AFDN: variants seen among roughly 807,000 people sequenced by gnomAD.
AFDN encodes afadin.
In AFDN, 68 loss-of-function variants were observed where a neutral mutation model predicts 216.6. That is an observed-to-expected ratio of 0.31 (90% CI 0.26 to 0.38). AFDN has a LOEUF of 0.38. Ranked by LOEUF, AFDN falls within the 10% of genes least tolerant of loss-of-function variation. The pLI is 1.00. For synonymous variants in AFDN, 868 were observed against 853.7 expected, an observed-to-expected ratio of 1.02 and a Z score of -0.29; for missense variants, 2,136 against 2,342.0, an observed-to-expected ratio of 0.91 and a Z score of 1.82.
intron 23 of AFDN, among the ~76,000 whole-genome samples, chr6:167,934,809 C>T (rs956772694): frequency 4.6e-5 from 7 of 152,158 alleles, no homozygotes; most frequent in Non-Finnish European, 8.8e-5. Flanking sequence ...GCCTAGGCTC[C>T]GCCTGACCGA....
At chr6:167,945,504 A>G (rs767953730) in intron 26 of AFDN, among the ~76,000 whole-genome samples, 14 of 152,268 alleles carry the variant, frequency 9.2e-5, no homozygotes, top group Admixed American at 1.3e-4. Flanking sequence ...TACATTATCA[A>G]GTATTATATA....
chr6:167,866,163 G>A (rs1583210199), intron 2 of AFDN, among the ~76,000 whole-genome samples: 2 of 32,514 alleles, frequency 6.2e-5, no homozygotes, highest in East Asian at 5.3e-4. Flanking sequence ...GAATACTGTC[G>A]AGTGTGAAGT....
chr6:167,898,053 C>T (rs1426417304), intron 10 of AFDN, 152 bp from the exon 11 acceptor site: 6 of 810,966 alleles, frequency 7.4e-6, no homozygotes, highest in Middle Eastern at 3.7e-4. Context: ...TATTTTTATA[C>T]GATTGAGGGA....
intron 1 of AFDN, among the ~76,000 whole-genome samples, chr6:167,828,388 G>A (rs990429414): frequency 6.6e-5 from 10 of 152,174 alleles, no homozygotes; most frequent in African/African-American, 2.4e-4. Context: ...TCATGGGAAG[G>A]ACTCTATTTC....
Position 167,827,037 on chromosome 6 carries a change from G to A in AFDN, c.-96G>A, listed in dbSNP as rs963304773. 6.7e-6 allele frequency: 3 copies of A among 447,440 alleles called. No individual in the cohort carries two copies. The highest frequency in any genetic ancestry group is 6.5e-5 in the African/African-American group (3 of 46,370). The allele number at this position is 447,440 out of a possible 1,614,324, so 27.7% of individuals were successfully genotyped here. A position where few individuals can be genotyped will look rare whatever the true frequency, so the allele number is the denominator to read the frequency against. On this transcript the variant is annotated 5_prime_UTR_variant, in exon 1 of 34. Transcript: ENST00000683244. ...GCCGCGGAGGCGGAGGCGGCCGGCG[G>A]GGGGTGGCGAGGGGCGCCGGGCCCC...
intron 5 of AFDN, among the ~76,000 whole-genome samples, chr6:167,877,568 TA>T (rs1434997129): frequency 1.3e-5 from 2 of 152,184 alleles, no homozygotes; most frequent in Non-Finnish European, 2.9e-5. Context: ...AGGAAACTCT[TA>T]ACTAAATATT....
At chr6:167,895,007 A>G (rs572984595) in intron 9 of AFDN, among the ~76,000 whole-genome samples, 7 of 152,256 alleles carry the variant, frequency 4.6e-5, no homozygotes, top group South Asian at 2.1e-4. Context: ...CTCTGTGACT[A>G]TATTGCATTC....
chr6:167,868,566 G>A (rs1784445067), intron 2 of AFDN, among the ~76,000 whole-genome samples: 1 of 152,110 alleles, frequency 6.6e-6, no homozygotes, highest in Non-Finnish European at 1.5e-5. Flanking sequence ...AGCACTTTGA[G>A]TTTAGGACTT....
intron 13 of AFDN, among the ~76,000 whole-genome samples, chr6:167,910,103 A>T (rs1238609735): frequency 1.3e-5 from 2 of 152,246 alleles, no homozygotes; most frequent in African/African-American, 4.8e-5. Flanking sequence ...ATAAATCCAC[A>T]AAGATAAGGA....
intron 1 of AFDN, among the ~76,000 whole-genome samples, chr6:167,851,188 C>CT (rs769943303): frequency 6.6e-6 from 1 of 152,122 alleles, no homozygotes; most frequent in Non-Finnish European, 1.5e-5. Flanking sequence ...AATATATACT[C>CT]TGTTATTTTT....
intron 30 of AFDN, among the ~76,000 whole-genome samples, chr6:167,953,409 C>T (rs1796200552): frequency 6.6e-6 from 1 of 152,072 alleles, no homozygotes; most frequent in Non-Finnish European, 1.5e-5. Flanking sequence ...ACACATACTT[C>T]TTAATATATA....
intron 32 of AFDN, chr6:167,968,513 A>G (rs1276040545): frequency 1.3e-5 from 2 of 152,646 alleles, no homozygotes; most frequent in Admixed American, 1.3e-4. Flanking sequence ...TTAATCCAAT[A>G]TTCATTGCTG....
rs769882839 is a variant in AFDN, at chr6:167,864,725, T to A, written c.280T>A (p.Tyr94Asn). The A allele has an allele frequency of 6.2e-7, 1 of 1,614,172 alleles. No individual in the cohort carries two copies. The highest frequency in any genetic ancestry group is 1.7e-5 in the Admixed American group (1 of 60,022). The change falls in exon 2 of 34, where the codon TAT (tyrosine) becomes AAT (asparagine). Residue 94 changes from tyrosine to asparagine, a missense_variant. This residue lies in a region of AFDN where 817 missense variants were observed against 965.7 expected (regional missense o/e 0.85). Coordinates refer to ENST00000683244, the MANE Select transcript of AFDN (RefSeq NM_001386888.1). The part of the protein sequence containing the change: ...RMLSSPKYSL[Y>N]EVHVSGERRL... ...GCTGTCCTCTCCCAAGTATTCACTCTATGAAGTGCATGTCAGCGGAGGTCA... is the reference window on the plus strand; with the variant it reads ...GCTGTCCTCTCCCAAGTATTCACTCAATGAAGTGCATGTCAGCGGAGGTCA...
At chr6:167,873,746 T>A (rs1230098959) in intron 4 of AFDN, among the ~76,000 whole-genome samples, 1 of 152,230 alleles carries the variant, frequency 6.6e-6, no homozygotes, top group Non-Finnish European at 1.5e-5. Flanking sequence ...ATTGAATTTG[T>A]TATTAATAAG....
At chr6:167,852,068 C>A (rs1262973386) in intron 1 of AFDN, among the ~76,000 whole-genome samples, 1 of 152,078 alleles carries the variant, frequency 6.6e-6, no homozygotes, top group Non-Finnish European at 1.5e-5. Context: ...AAAGCAGATC[C>A]TAAAACCCGT....
chr6:167,907,498 T>A (rs1039559383), intron 13 of AFDN, among the ~76,000 whole-genome samples: 1 of 152,196 alleles, frequency 6.6e-6, no homozygotes, highest in Non-Finnish European at 1.5e-5. Flanking sequence ...CACAGTGTTA[T>A]CAGATTGAAA....
At chr6:167,853,648 A>G (rs751305646) in intron 1 of AFDN, among the ~76,000 whole-genome samples, 5 of 152,048 alleles carry the variant, frequency 3.3e-5, no homozygotes, top group East Asian at 1.9e-4. Flanking sequence ...TGGTTTGTTC[A>G]TGCATGGAAG....
intron 31 of AFDN, chr6:167,963,043 G>A: frequency 9.3e-7 from 1 of 1,072,708 alleles, no homozygotes; most frequent in African/African-American, 1.6e-5. Flanking sequence ...GGTAAAGAGA[G>A]CAGATGGCTT....
chr6:167,904,943 C>T (rs954568262), intron 12 of AFDN, among the ~76,000 whole-genome samples: 2 of 152,204 alleles, frequency 1.3e-5, no homozygotes, highest in Non-Finnish European at 2.9e-5. Context: ...CTTGCTCAGC[C>T]CCTATGCCCT....
Sources: allele counts gnomAD v4.1 joint callset (sites outside exome capture counted in the v4.1 genomes callset), GRCh38; gene constraint gnomAD v4.1.1; regional missense constraint gnomAD v4.1.1; transcripts MANE v1.5; gene names NCBI Gene and HGNC (gene_info 2026-07-23, HGNC 2026-07-21).